The following DMRT1 variants were observed in gnomAD, a reference collection of about 807,000 sequenced individuals.
The protein encoded by DMRT1 is doublesex and mab-3 related transcription factor 1.
DMRT1 carries 7 observed loss-of-function variants against 32.3 expected under a neutral mutation model. That is an observed-to-expected ratio of 0.22 (90% CI 0.12 to 0.41). The LOEUF (loss-of-function observed/expected upper bound fraction) is 0.41. DMRT1 is among the 10% of genes least tolerant of loss of function. The probability of loss-of-function intolerance (pLI) is 1.00; values close to 1 mark genes in which losing one functional copy is unlikely to be tolerated. For missense variants in DMRT1, 625 were observed against 500.5 expected, an observed-to-expected ratio of 1.25 and a Z score of -2.37; for synonymous variants, 278 against 206.1, an observed-to-expected ratio of 1.35 and a Z score of -2.99.
rs1817679987 is a variant in DMRT1 at position 903,959 on chromosome 9, A to G, written c.822+9764A>G. Among the ~76,000 whole-genome samples the G allele has an allele frequency of 3.9e-5, 6 of 152,318 alleles. No individual in the cohort carries two copies. In the South Asian group the frequency reaches 1.2e-3, roughly 32 times the overall value. The stretch of plus-strand genomic sequence containing the variant: ...AAGTCCTGGGCTGTCCTACAGATTC[A>G]TTTCCATTGTTAGATGACTTCAGTG... On this transcript the variant is annotated intron_variant, in intron 3 of 4. Coordinates refer to ENST00000382276, the MANE Select transcript of DMRT1 (RefSeq NM_021951.3).
intron 1 of DMRT1, among the ~76,000 whole-genome samples, chr9:844,433 T>G (rs1462859578): frequency 7.1e-6 from 1 of 140,526 alleles, no homozygotes; most frequent in Non-Finnish European, 1.5e-5. Flanking sequence ...AGTAGATACC[T>G]GTGCATTTTG....
intron 2 of DMRT1, among the ~76,000 whole-genome samples, chr9:858,648 C>T (rs1198277757): frequency 6.6e-6 from 1 of 151,940 alleles, no homozygotes; most frequent in African/African-American, 2.4e-5. Context: ...CCGAGGCGGG[C>T]AGATCATCTG....
intron 2 of DMRT1, among the ~76,000 whole-genome samples, chr9:857,648 T>C (rs925277536): frequency 1.7e-4 from 26 of 152,116 alleles, no homozygotes; most frequent in Non-Finnish European, 3.2e-4. Context: ...TATTATACTT[T>C]AAGTTTTAGG....
chr9:866,668 C>T (rs982081786), intron 2 of DMRT1, among the ~76,000 whole-genome samples: 8 of 152,176 alleles, frequency 5.3e-5, no homozygotes, highest in Non-Finnish European at 1.0e-4. Flanking sequence ...AAGGAAGTAA[C>T]AAGCGGAAGC....
At chr9:930,753 A>G (rs1254328373) in intron 4 of DMRT1, among the ~76,000 whole-genome samples, 2 of 145,650 alleles carry the variant, frequency 1.4e-5, no homozygotes, top group Non-Finnish European at 3.0e-5. Flanking sequence ...TATGTTGTCT[A>G]GGCTGGTCTC....
intron 2 of DMRT1, among the ~76,000 whole-genome samples, chr9:868,908 A>G (rs1564209840): frequency 1.3e-5 from 2 of 152,120 alleles, no homozygotes; most frequent in African/African-American, 2.4e-5. Context: ...TACTTGGGAG[A>G]TGCAGGTGGG....
At chr9:901,801 C>T (rs1817587019) in intron 3 of DMRT1, among the ~76,000 whole-genome samples, 2 of 151,952 alleles carry the variant, frequency 1.3e-5, no homozygotes, top group African/African-American at 2.4e-5. Flanking sequence ...TGGGCCCTCT[C>T]ACCCTTGGCC....
intron 2 of DMRT1, among the ~76,000 whole-genome samples, chr9:874,741 C>T (rs1816420691): frequency 6.6e-6 from 1 of 151,584 alleles, no homozygotes. Flanking sequence ...CTTCCTTCCT[C>T]TCTTCTTGGG....
At chr9:865,726 A>C (rs923962942) in intron 2 of DMRT1, among the ~76,000 whole-genome samples, 1 of 152,224 alleles carries the variant, frequency 6.6e-6, no homozygotes, top group Non-Finnish European at 1.5e-5. Flanking sequence ...TCTCAGAGAC[A>C]CATCTTAATG....
intron 4 of DMRT1, among the ~76,000 whole-genome samples, chr9:951,321 A>G (rs1819421167): frequency 6.6e-6 from 1 of 152,228 alleles, no homozygotes; most frequent in African/African-American, 2.4e-5. Context: ...TCACTGGTAA[A>G]TCACTTTGAA....
chr9:906,701 C>CA (rs1057450525), intron 3 of DMRT1, among the ~76,000 whole-genome samples: 42 of 150,894 alleles, frequency 2.8e-4, no homozygotes, highest in African/African-American at 8.0e-4. Context: ...TTCAGACAAT[C>CA]AAAAAAAAAG....
At chr9:961,476 C>T (rs772895218) in intron 4 of DMRT1, among the ~76,000 whole-genome samples, 20 of 152,104 alleles carry the variant, frequency 1.3e-4, no homozygotes, top group South Asian at 4.2e-4. Flanking sequence ...TTTGCTTGAT[C>T]GTGGGATAAT....
intron 2 of DMRT1, among the ~76,000 whole-genome samples, chr9:849,648 T>C (rs540705339): frequency 6.6e-6 from 1 of 152,128 alleles, no homozygotes; most frequent in Non-Finnish European, 1.5e-5. Context: ...TTAACCAGAG[T>C]CCCTTCCTCA....
intron 3 of DMRT1, among the ~76,000 whole-genome samples, chr9:911,339 G>C (rs184444092): frequency 5.3e-5 from 8 of 152,208 alleles, no homozygotes; most frequent in Non-Finnish European, 1.2e-4. Flanking sequence ...AGTTTCAAAG[G>C]CTTCGTTAAT....
intron 2 of DMRT1, among the ~76,000 whole-genome samples, chr9:880,322 C>G (rs1816680301): frequency 6.6e-6 from 1 of 152,282 alleles, no homozygotes; most frequent in East Asian, 1.9e-4. Flanking sequence ...GATCAAGTTA[C>G]TCTTTCTTTC....
chr9:893,122 T>A (rs1324725610), intron 2 of DMRT1, among the ~76,000 whole-genome samples: 2 of 152,180 alleles, frequency 1.3e-5, no homozygotes, highest in Non-Finnish European at 2.9e-5. Flanking sequence ...GACCGTAGAC[T>A]CCCTGTGGGC....
rs557879654 is a variant in DMRT1, at chr9:885,502, C to T, written c.539-8410C>T. ...TTCCCCAACCAAACGCAGCGTTGTT[C>T]TGCTGGTCAAATGGCCTAGGCCCAT... On this transcript the variant is annotated intron_variant, in intron 2 of 4. Coordinates refer to ENST00000382276, the MANE Select transcript of DMRT1 (RefSeq NM_021951.3). 9.8e-5 allele frequency among the ~76,000 whole-genome samples: 15 copies of T among 152,342 alleles called. 1 individual carries two copies. The East Asian group carries it at 2.9e-3, about 29-fold the overall frequency.
chr9:852,240 G>C (rs964848452), intron 2 of DMRT1, among the ~76,000 whole-genome samples: 2 of 151,594 alleles, frequency 1.3e-5, no homozygotes, highest in Non-Finnish European at 2.9e-5. Flanking sequence ...CCTGGCCGCA[G>C]GTACACTATT....
chr9:916,614 C>T (rs921743139), intron 3 of DMRT1, 149 bp from the exon 4 acceptor site: 8 of 919,018 alleles, frequency 8.7e-6, no homozygotes, highest in Non-Finnish European at 1.4e-5. Context: ...TCAAGCGATC[C>T]TCCCGCCCTG....
Sources: gnomAD v4.1 joint callset for allele counts (sites outside exome capture counted in the v4.1 genomes callset) on GRCh38, gnomAD v4.1.1 for gene constraint, MANE v1.5 for transcripts, NCBI Gene and HGNC (gene_info 2026-07-23, HGNC 2026-07-21) for gene names.